The following TUB variants were observed in gnomAD, a reference collection of about 807,000 sequenced individuals.
TUB encodes tubby protein homolog.
Under a neutral mutation model 59.7 loss-of-function variants are expected in TUB, and 33 were observed. The observed-to-expected ratio is 0.55, with a 90% confidence interval of 0.42 to 0.74. The LOEUF is 0.74. Ranked by LOEUF, TUB falls within the 30% of genes least tolerant of loss-of-function variation. TUB has a pLI of 0.00. For synonymous variants in TUB, 293 were observed against 256.4 expected (o/e 1.14, Z -1.36); for missense variants, 659 against 672.0 (o/e 0.98, Z 0.21).
intron 9 of TUB, among the ~76,000 whole-genome samples, chr11:8,099,100 A>G (rs778418597): frequency 5.3e-5 from 8 of 151,884 alleles, no homozygotes; most frequent in Non-Finnish European, 1.2e-4. Context: ...GAGCTCAGAA[A>G]ACCAGGCCTG....
chr11:8,059,743 G>T (rs1207022187), intron 2 of TUB, among the ~76,000 whole-genome samples: 2 of 152,182 alleles, frequency 1.3e-5, no homozygotes, highest in Non-Finnish European at 2.9e-5. Context: ...CCTCATGGAA[G>T]AGCTTGGTTT....
intron 2 of TUB, among the ~76,000 whole-genome samples, chr11:8,050,155 T>C (rs1320295733): frequency 7.9e-5 from 12 of 152,234 alleles, no homozygotes; most frequent in Admixed American, 4.6e-4. Context: ...GTCAGGTATG[T>C]AGTTATACGG....
intron 2 of TUB, among the ~76,000 whole-genome samples, chr11:8,062,652 C>A (rs2133777234): frequency 6.6e-6 from 1 of 152,250 alleles, no homozygotes; most frequent in African/African-American, 2.4e-5. Context: ...GCATCAAAGG[C>A]TCTAGAACAG....
At chr11:8,093,070 A>G (rs938338130) in intron 3 of TUB, among the ~76,000 whole-genome samples, 1 of 152,158 alleles carries the variant, frequency 6.6e-6, no homozygotes, top group Non-Finnish European at 1.5e-5. Flanking sequence ...CGGACCTTAC[A>G]GTCTAGGTGG....
chr11:8,077,510 G>A (rs181818744), upstream of TUB: 3 of 152,112 alleles, frequency 2.0e-5, no homozygotes, highest in East Asian at 5.8e-4. Context: ...ATGGCCCTTT[G>A]GTAAAAGACC....
rs1944280258 is a variant in TUB at position 8,101,120 on chromosome 11, G to A, written c.1387+123G>A. On this transcript the variant is annotated intron_variant, in intron 11 of 11. Transcript: ENST00000299506. The stretch of plus-strand genomic sequence containing the variant: ...TTAAGAATGTGAGCTATACAGCTAA[G>A]GTTAGATGTATGGAACTTTCTAACC... 31 of 1,195,262 alleles carry A rather than the reference G, an allele frequency of 2.6e-5. No individual in the cohort carries two copies. The South Asian group carries it at 4.5e-4, about 17-fold the overall frequency. The allele number at this position is 1,195,262 out of a possible 1,614,324, so 74.0% of individuals were successfully genotyped here.
intron 1 of TUB, among the ~76,000 whole-genome samples, chr11:8,031,223 TG>T (rs1341250553): frequency 6.6e-6 from 1 of 152,014 alleles, no homozygotes; most frequent in South Asian, 2.1e-4. Flanking sequence ...GGGGTGGGAC[TG>T]GGGGGATCCT....
upstream of TUB, among the ~76,000 whole-genome samples, chr11:8,036,819 C>T (rs12271874): frequency 0.011 from 1,672 of 152,320 alleles, 28 homozygotes; most frequent in African/African-American, 0.038. Flanking sequence ...CTCAGTAGCA[C>T]GGGCCCCATG....
intron 10 of TUB, 105 bp downstream of exon 10, chr11:8,100,706 G>T: frequency 6.5e-7 from 1 of 1,532,060 alleles, no homozygotes; most frequent in Non-Finnish European, 9.0e-7. Flanking sequence ...GGGGTACCAT[G>T]TGAGAAAGCC....
intron 2 of TUB, among the ~76,000 whole-genome samples, chr11:8,065,329 G>A (rs1317786777): frequency 6.6e-6 from 1 of 152,174 alleles, no homozygotes; most frequent in Admixed American, 6.5e-5. Context: ...GCTGGAGCGG[G>A]TGGTAATGGA....
intron 2 of TUB, among the ~76,000 whole-genome samples, chr11:8,051,182 G>A (rs1165523880): frequency 6.6e-6 from 1 of 152,058 alleles, no homozygotes; most frequent in African/African-American, 2.4e-5. Flanking sequence ...ATGATCTCGG[G>A]TGTTACCTGA....
rs559967679 is a variant in TUB at position 8,083,776 on chromosome 11, G to C, written c.38+2228G>C. On this transcript the variant is annotated intron_variant, in intron 1 of 11. Transcript: ENST00000299506. ...CCACCTCCTCGTTCTGTTGTAGAGA[G>C]GGGGGTGTGTAGCTGGAGGCAGGCT... Among the ~76,000 whole-genome samples, 16 of 152,250 alleles carry C rather than the reference G, an allele frequency of 1.1e-4. No homozygotes were observed. In the East Asian group the frequency reaches 3.1e-3, roughly 29 times the overall value.
chr11:8,038,664 G>T (rs549177908), exon 1 of TUB: 53 of 1,366,046 alleles, frequency 3.9e-5, no homozygotes, highest in Admixed American at 3.1e-4. Context: ...TGAAGGGTTT[G>T]GGGGGAGACT....
chr11:8,037,231 A>G (rs1368140782), upstream of TUB, among the ~76,000 whole-genome samples: 3 of 152,174 alleles, frequency 2.0e-5, no homozygotes. Flanking sequence ...GCTTTGGGGC[A>G]TGTGTCCAAG....
chr11:8,035,195 A>G (rs903643661), upstream of TUB, among the ~76,000 whole-genome samples: 2 of 152,230 alleles, frequency 1.3e-5, no homozygotes, highest in African/African-American at 2.4e-5. Flanking sequence ...AATGAATGCA[A>G]AGCACATACA....
intron 1 of TUB, among the ~76,000 whole-genome samples, chr11:8,026,139 C>T (rs11041715): frequency 0.45 from 68,192 of 151,952 alleles, 17,060 homozygotes; most frequent in Middle Eastern, 0.61. Flanking sequence ...AAAATATTTC[C>T]CCATCTTTAA....
intron 2 of TUB, among the ~76,000 whole-genome samples, chr11:8,040,931 A>G (rs1564899666): frequency 6.6e-6 from 1 of 152,234 alleles, no homozygotes. Flanking sequence ...AACAGGCCTC[A>G]GGTTCTGAAC....
chr11:8,095,381 A>T, intron 4 of TUB, 117 bp from the exon 5 acceptor site: 1 of 1,117,106 alleles, frequency 9.0e-7, no homozygotes, highest in Non-Finnish European at 1.3e-6. Context: ...CACTTTTGCA[A>T]ATAAAGTTTT....
upstream of TUB, among the ~76,000 whole-genome samples, chr11:8,035,000 G>A (rs1462663036): frequency 1.3e-5 from 2 of 152,208 alleles, no homozygotes; most frequent in Non-Finnish European, 2.9e-5. Context: ...GCTCCTTGTC[G>A]CATGATGCGT....
Sources: allele counts gnomAD v4.1 joint callset (sites outside exome capture counted in the v4.1 genomes callset), GRCh38; gene constraint gnomAD v4.1.1; transcripts MANE v1.5; gene names NCBI Gene and HGNC (gene_info 2026-07-23, HGNC 2026-07-21).